The following PALS1 variants were observed in gnomAD, a reference collection of about 807,000 sequenced individuals.
PALS1 encodes the protein protein associated with LIN7 1, MAGUK p55 family member.
In PALS1, 31 loss-of-function variants were observed where a neutral mutation model predicts 78.9. The ratio of observed to expected loss-of-function variants is 0.39; its 90% CI spans 0.30 to 0.53. PALS1 has a LOEUF of 0.53. Ranked by LOEUF, PALS1 falls within the 20% of genes least tolerant of loss-of-function variation. The probability of loss-of-function intolerance (pLI) is 0.67; values close to 1 mark genes in which losing one functional copy is unlikely to be tolerated. For synonymous variants in PALS1, 276 were observed against 270.9 expected, an observed-to-expected ratio of 1.02 and a Z score of -0.18; for missense variants, 704 against 826.5, an observed-to-expected ratio of 0.85 and a Z score of 1.82.
At chr14:67,247,811 T>G in intron 1 of PALS1, among the ~76,000 whole-genome samples, 1 of 152,120 alleles carries the variant, frequency 6.6e-6, no homozygotes, top group East Asian at 1.9e-4. Context: ...ATTCCTGGGC[T>G]CAAGCGATCT....
intron 3 of PALS1, among the ~76,000 whole-genome samples, chr14:67,286,855 CA>C (rs201923149): frequency 0.031 from 2,069 of 67,212 alleles, 24 homozygotes; most frequent in East Asian, 0.077. Context: ...GACCTGGTCT[CA>C]AAAAAAAAAA....
chr14:67,319,369 T>C (rs991436897), intron 11 of PALS1, among the ~76,000 whole-genome samples: 3 of 152,222 alleles, frequency 2.0e-5, no homozygotes, highest in Non-Finnish European at 4.4e-5. Flanking sequence ...TTATGGGCTT[T>C]AGGAATGTTA....
intron 1 of PALS1, among the ~76,000 whole-genome samples, chr14:67,256,003 TA>T (rs1333121560): frequency 1.3e-5 from 2 of 152,232 alleles, no homozygotes; most frequent in Non-Finnish European, 2.9e-5. Context: ...CTGACTTTAA[TA>T]AGTAATTGTA....
chr14:67,281,037 T>C (rs1469372492), intron 3 of PALS1, among the ~76,000 whole-genome samples: 1 of 151,938 alleles, frequency 6.6e-6, no homozygotes, highest in Non-Finnish European at 1.5e-5. Flanking sequence ...TGGCTGGGAT[T>C]ACAGGCATGT....
At chr14:67,282,575 TACTC>T (rs921049034) in intron 3 of PALS1, among the ~76,000 whole-genome samples, 13 of 152,260 alleles carry the variant, frequency 8.5e-5, no homozygotes, top group Non-Finnish European at 1.5e-4. Context: ...TGATAGAAAA[TACTC>T]AGAAAGGATG....
At chr14:67,327,840 A>G (rs1243411582) in intron 14 of PALS1, among the ~76,000 whole-genome samples, 2 of 152,234 alleles carry the variant, frequency 1.3e-5, no homozygotes. Context: ...TTGGCTGCAT[A>G]GTATTCCATG....
In PALS1 at chr14:67,335,820, C is replaced by A. The variant is rs914943476; in HGVS notation, c.*2864C>A. ...ATTATATTTCAAATTTTAAAAGCCA[C>A]TAAGCAATTTCTCTTGCTATTTGCT... On this transcript the variant is annotated 3_prime_UTR_variant, in exon 15 of 15. Coordinates refer to ENST00000261681, the MANE Select transcript of PALS1 (RefSeq NM_022474.4). The A allele has an allele frequency of 2.6e-5, 4 of 152,372 alleles. No homozygotes were observed. Among genetic ancestry groups the A allele is most frequent in the African/African-American group, 4.8e-5 (2 of 41,448 alleles). 9.4% of individuals were successfully genotyped at this position (152,372 alleles called of 1,614,324 possible).
intron 1 of PALS1, among the ~76,000 whole-genome samples, chr14:67,256,954 C>G (rs1275057241): frequency 1.3e-5 from 2 of 152,142 alleles, no homozygotes; most frequent in Admixed American, 1.3e-4. Context: ...GCTAAGGACG[C>G]GGCTGTGACA....
intron 2 of PALS1, among the ~76,000 whole-genome samples, chr14:67,273,132 T>TA (rs1491202195): frequency 1.4e-5 from 2 of 146,920 alleles, no homozygotes; most frequent in Non-Finnish European, 3.0e-5. Context: ...TTTTTTTTTT[T>TA]ATACTTTAAG....
At chr14:67,295,595 A>G (rs1225794196) in intron 4 of PALS1, among the ~76,000 whole-genome samples, 1 of 152,176 alleles carries the variant, frequency 6.6e-6, no homozygotes. Flanking sequence ...AATGGCCAAT[A>G]GCAATGAAAA....
At chr14:67,310,196 A>C (rs1322687231) in intron 8 of PALS1, among the ~76,000 whole-genome samples, 1 of 152,122 alleles carries the variant, frequency 6.6e-6, no homozygotes, top group African/African-American at 2.4e-5. Flanking sequence ...TATCCCACAC[A>C]ACTTTCTAAA....
chr14:67,256,823 C>T (rs192451968), intron 1 of PALS1, among the ~76,000 whole-genome samples: 21 of 152,030 alleles, frequency 1.4e-4, no homozygotes, highest in Admixed American at 2.6e-4. Flanking sequence ...CACACACACA[C>T]ATGAAACTGA....
chr14:67,269,163 GT>G (rs1195223289), intron 1 of PALS1, among the ~76,000 whole-genome samples: 1 of 152,118 alleles, frequency 6.6e-6, no homozygotes, highest in Non-Finnish European at 1.5e-5. Context: ...TTTAAATCCT[GT>G]TTGTAGGGTT....
chr14:67,274,762 T>C (rs1313728630), intron 2 of PALS1, among the ~76,000 whole-genome samples: 1 of 152,226 alleles, frequency 6.6e-6, no homozygotes, highest in Non-Finnish European at 1.5e-5. Flanking sequence ...GAGCATGGAA[T>C]GTTCTTCCAT....
intron 1 of PALS1, among the ~76,000 whole-genome samples, chr14:67,262,567 T>G (rs2084255540): frequency 6.6e-6 from 1 of 152,164 alleles, no homozygotes. Flanking sequence ...TCCTGCCATG[T>G]GTAAAGGAAT....
Position 67,265,315 on chromosome 14 carries a change from C to A in PALS1, c.-236-4386C>A, listed in dbSNP as rs184585693. Among the ~76,000 whole-genome samples the A allele has an allele frequency of 1.5e-3, 225 of 152,098 alleles. 2 individuals carry two copies. The highest frequency in any genetic ancestry group is 1.5e-3 in the Non-Finnish European group (99 of 67,986). The stretch of plus-strand genomic sequence containing the variant: ...ACTCATGCCTGTAATCTCAGAGATT[C>A]GGGAGGCTGAGGTGGGAGGACTCTT... On this transcript the variant is annotated intron_variant, in intron 1 of 14. Transcript: ENST00000261681.
At chr14:67,264,221 GT>G (rs1426157381) in intron 1 of PALS1, among the ~76,000 whole-genome samples, 4 of 152,072 alleles carry the variant, frequency 2.6e-5, no homozygotes, top group African/African-American at 9.7e-5. Context: ...CTGTCTCCTC[GT>G]TTGTCATTGG....
At chr14:67,284,625 A>G (rs1023488188) in intron 3 of PALS1, among the ~76,000 whole-genome samples, 4 of 146,526 alleles carry the variant, frequency 2.7e-5, no homozygotes, top group African/African-American at 9.9e-5. Flanking sequence ...ATTCCAAAAT[A>G]TGTACCCATT....
intron 3 of PALS1, among the ~76,000 whole-genome samples, chr14:67,286,350 C>T (rs72717376): frequency 0.032 from 4,799 of 152,210 alleles, 90 homozygotes; most frequent in Non-Finnish European, 0.036. Context: ...GGAATTTCTT[C>T]TCTCTGTCCT....
Sources: allele counts gnomAD v4.1 joint callset (sites outside exome capture counted in the v4.1 genomes callset), GRCh38; gene constraint gnomAD v4.1.1; transcripts MANE v1.5; gene names NCBI Gene and HGNC (gene_info 2026-07-23, HGNC 2026-07-21).